The following NFASC variants were observed in gnomAD, a reference collection of about 807,000 sequenced individuals.
NFASC encodes the protein neurofascin homolog.
NFASC carries 43 observed loss-of-function variants against 147.5 expected under a neutral mutation model. The observed-to-expected ratio is 0.29, with a 90% confidence interval of 0.23 to 0.38. The LOEUF (loss-of-function observed/expected upper bound fraction) is 0.38, where lower values mean the gene tolerates loss of function less well. NFASC is among the 10% of genes least tolerant of loss of function. The pLI is 1.00. For missense variants in NFASC, 1,320 were observed against 1,689.0 expected (o/e 0.78, Z 3.83); for synonymous variants, 622 against 665.5 (o/e 0.93, Z 1.01).
At chr1:204,989,628 A>G (rs2095681387) in intron 23 of NFASC, 1 of 152,226 alleles carries the variant, frequency 6.6e-6, no homozygotes, top group Admixed American at 6.5e-5. Context: ...GTGTCTCCAG[A>G]GATACAATGG....
chr1:205,012,869 G>A lies in NFASC; in HGVS notation c.3491+3G>A, dbSNP rs1489295431. The A allele has an allele frequency of 6.2e-7, 1 of 1,607,480 alleles. No individual in the cohort carries two copies. The highest frequency in any genetic ancestry group is 1.1e-5 in the South Asian group (1 of 90,958). ...GAGGATGGCTCATTTGACTATAGGT[G>A]CGTGATCTCCCTCCTCCTCTCTCAG... is the stretch of plus-strand genomic sequence containing the variant. On this transcript the variant is annotated splice_donor_region_variant and intron_variant, in intron 29 of 29. Transcript: ENST00000339876.
intron 12 of NFASC, 32 bp from the exon 13 acceptor site, chr1:204,974,147 G>C (rs754765391): frequency 1.9e-6 from 3 of 1,557,930 alleles, no homozygotes; most frequent in Non-Finnish European, 2.6e-6. Flanking sequence ...GTTTAGACTT[G>C]GCACTCGAGA....
chr1:204,846,606 G>A (rs1263415255), intron 1 of NFASC, among the ~76,000 whole-genome samples: 1 of 152,046 alleles, frequency 6.6e-6, no homozygotes, highest in African/African-American at 2.4e-5. Context: ...GTGGGGGATG[G>A]AGGGTAATCC....
In NFASC at chr1:204,868,176, G is replaced by A. The variant is rs181231033; in HGVS notation, c.-200+39394G>A. Among the ~76,000 whole-genome samples the A allele has an allele frequency of 2.6e-4, 39 of 152,328 alleles. No homozygotes were observed. The East Asian group carries it at 6.2e-3, about 24-fold the overall frequency. On this transcript the variant is annotated intron_variant, in intron 1 of 29. Coordinates refer to ENST00000339876, the MANE Select transcript of NFASC (RefSeq NM_001005388.3). Reference sequence around the variant, plus strand: ...AGTCAGTGAGCAAATCCAGCTGGACGGCCTCTGGCCTGCTCAGTCCACCCT... The same window carrying A: ...AGTCAGTGAGCAAATCCAGCTGGACAGCCTCTGGCCTGCTCAGTCCACCCT...
chr1:204,910,544 T>C (rs754404731), intron 1 of NFASC, among the ~76,000 whole-genome samples: 1 of 152,078 alleles, frequency 6.6e-6, no homozygotes, highest in African/African-American at 2.4e-5. Context: ...CTTGAACTCC[T>C]GGGCTCAAGG....
chr1:204,944,744 G>T (rs1196765247), intron 3 of NFASC: 2 of 288,844 alleles, frequency 6.9e-6, no homozygotes, highest in East Asian at 1.6e-4. Flanking sequence ...CAGGTCCTCT[G>T]TGGTCTTGAC....
Position 205,001,205 on chromosome 1 carries a change from C to T in NFASC, c.3055C>T (p.Leu1019Phe), listed in dbSNP as rs2095976984. 1 of 1,612,294 alleles carries T rather than the reference C, an allele frequency of 6.2e-7. No individual in the cohort carries two copies. The highest frequency in any genetic ancestry group is 8.5e-7 in the Non-Finnish European group (1 of 1,179,192). Residue 1019 changes from leucine (L) to phenylalanine (F), a missense_variant, in exon 26 of 30, where the codon CTC becomes TTC. Around this residue, in one of 3 missense-constraint regions of NFASC, gnomAD observed 172 missense variants for 165.8 expected, o/e 1.04. Coordinates refer to ENST00000339876, the MANE Select transcript of NFASC (RefSeq NM_001005388.3). ...DEQSIWNVTVLPNSKWANITW... is the reference protein window; with the variant it reads ...DEQSIWNVTVFPNSKWANITW... The stretch of plus-strand genomic sequence containing the variant: ...GCAGTCCATATGGAACGTCACGGTG[C>T]TCCCCAACAGTAAATGGGCCAACAT...
chr1:204,951,047 T>C (rs1182692256), intron 4 of NFASC, among the ~76,000 whole-genome samples: 1 of 152,156 alleles, frequency 6.6e-6, no homozygotes, highest in Admixed American at 6.5e-5. Context: ...TCAACAGACA[T>C]TTATCAAAAA....
intron 3 of NFASC, chr1:204,944,711 G>T: frequency 2.7e-6 from 1 of 369,626 alleles, no homozygotes; most frequent in Non-Finnish European, 4.8e-6. Flanking sequence ...TGCCACTTGG[G>T]TTTTTCCCTC....
At chr1:204,942,077 C>A (rs896766055) in intron 2 of NFASC, among the ~76,000 whole-genome samples, 1 of 152,086 alleles carries the variant, frequency 6.6e-6, no homozygotes, top group African/African-American at 2.4e-5. Context: ...GTACTATGGT[C>A]GATTCTAAGA....
intron 3 of NFASC, chr1:204,946,321 A>G (rs1157440513): frequency 1.9e-6 from 1 of 514,054 alleles, no homozygotes; most frequent in African/African-American, 1.9e-5. Context: ...GCTAACCCTC[A>G]ACATAGGTGT....
chr1:205,008,085 G>A (rs971156904), intron 27 of NFASC, among the ~76,000 whole-genome samples: 13 of 152,110 alleles, frequency 8.5e-5, no homozygotes, highest in Admixed American at 2.6e-4. Context: ...CAGAGGACAC[G>A]TGTTCATCAG....
At chr1:204,877,286 T>C (rs2079215558) in intron 1 of NFASC, among the ~76,000 whole-genome samples, 1 of 151,642 alleles carries the variant, frequency 6.6e-6, no homozygotes, top group Non-Finnish European at 1.5e-5. Context: ...CGCATTAAAA[T>C]TAGGCTCTGC....
intron 2 of NFASC, among the ~76,000 whole-genome samples, chr1:204,923,617 G>C (rs1172947048): frequency 2.0e-5 from 3 of 152,096 alleles, no homozygotes; most frequent in African/African-American, 7.2e-5. Flanking sequence ...TGGACAGCAT[G>C]GGCCCAGGAC....
intron 20 of NFASC, among the ~76,000 whole-genome samples, chr1:204,981,291 G>C (rs1257102245): frequency 1.3e-5 from 2 of 152,250 alleles, no homozygotes; most frequent in Non-Finnish European, 2.9e-5. Flanking sequence ...ATAAAGAGCA[G>C]AATCACACCC....
At chr1:204,948,003 C>T (rs1236667724) in intron 3 of NFASC, among the ~76,000 whole-genome samples, 1 of 152,160 alleles carries the variant, frequency 6.6e-6, no homozygotes, top group Non-Finnish European at 1.5e-5. Flanking sequence ...CCCATATGTG[C>T]TCACACTTAT....
chr1:204,979,618 G>A lies in NFASC; in HGVS notation c.2176+59G>A. ...GAACCCCGCACCCCAAACTCACACTGAGATCCCCCCATTCCCAGCCATGTG... is the reference window on the plus strand; with the variant it reads ...GAACCCCGCACCCCAAACTCACACTAAGATCCCCCCATTCCCAGCCATGTG... On this transcript the variant is annotated intron_variant, in intron 19 of 29. Transcript: ENST00000339876. The surrounding 1 kb of genome is among the most constrained non-coding windows in gnomAD (Gnocchi z 6.0). The A allele has an allele frequency of 6.8e-7, 1 of 1,479,230 alleles. No homozygotes were observed. Among genetic ancestry groups the A allele is most frequent in the Non-Finnish European group, 9.4e-7 (1 of 1,059,062 alleles). The allele number at this position is 1,479,230 out of a possible 1,614,324, so 91.6% of individuals were successfully genotyped here. A position where few individuals can be genotyped will look rare whatever the true frequency, so the allele number is the denominator to read the frequency against.
chr1:204,938,159 A>G (rs1289786610), intron 2 of NFASC, among the ~76,000 whole-genome samples: 1 of 152,230 alleles, frequency 6.6e-6, no homozygotes, highest in African/African-American at 2.4e-5. Context: ...TCCATCTGCC[A>G]GGGACAGCTT....
intron 3 of NFASC, chr1:204,948,725 G>T (rs978865524): frequency 1.9e-6 from 1 of 518,904 alleles, no homozygotes; most frequent in East Asian, 5.4e-5. Flanking sequence ...AATGTCTAGG[G>T]CTCTTTCCAT....
Sources: gnomAD v4.1 joint callset for allele counts (sites outside exome capture counted in the v4.1 genomes callset) on GRCh38, gnomAD v4.1.1 for gene constraint, gnomAD v4.1.1 regional missense constraint, Gnocchi (gnomAD v3.1) non-coding constraint, MANE v1.5 for transcripts, NCBI Gene and HGNC (gene_info 2026-07-23, HGNC 2026-07-21) for gene names.